HEPH: variants seen among roughly 807,000 people sequenced by gnomAD.
HEPH encodes the protein hephaestin.
Under a neutral mutation model 80.8 loss-of-function variants are expected in HEPH, and 69 were observed. The ratio of observed to expected loss-of-function variants is 0.85; its 90% confidence interval spans 0.70 to 1.04. HEPH has a LOEUF of 1.04. HEPH is among the 50% of genes least tolerant of loss of function. The pLI is 0.00. For synonymous variants in HEPH, 431 were observed against 322.8 expected (o/e 1.34, Z -3.60); for missense variants, 1,115 against 891.3 (o/e 1.25, Z -3.20).
chrX:66,207,180 T>C lies in HEPH; in HGVS notation c.2292-15T>C, dbSNP rs1263496608. ...TGATGGCCAGGTGCTGATAGTACTC[T>C]TTGGATTCCTCTAGTTATGGTTACA... On this transcript the variant is annotated splice_polypyrimidine_tract_variant and intron_variant, in intron 13 of 20. Coordinates refer to ENST00000343002, the MANE Select transcript of HEPH (RefSeq NM_001367233.3). 8.3e-7 allele frequency: 1 copy of C among 1,199,642 alleles called. No homozygotes were observed. The highest frequency in any genetic ancestry group is 1.8e-5 in the South Asian group (1 of 55,808).
intron 12 of HEPH, among the ~76,000 whole-genome samples, chrX:66,201,504 T>C (rs2088449824): frequency 8.9e-6 from 1 of 111,794 alleles, no homozygotes; most frequent in Non-Finnish European, 1.9e-5. Flanking sequence ...TCAGATTCTA[T>C]GTATTTCTAG....
rs1205341394 is a variant in HEPH, at chrX:66,199,022, A to T, written c.1858A>T (p.Met620Leu). Residue 620 changes from methionine to leucine, a missense_variant, in exon 11 of 21, where the codon ATG becomes TTG. By Grantham distance (15) the Met-to-Leu change is conservative. This residue lies in a region of HEPH where 716 missense variants were observed against 523.5 expected (regional missense o/e 1.37). Coordinates refer to ENST00000343002, the MANE Select transcript of HEPH (RefSeq NM_001367233.3). ...TGAGGGCTTCCAAGACTCCAATCGGATGCATGGTATGGGGAGTACTTTTGC... is the reference window on the plus strand; with the variant it reads ...TGAGGGCTTCCAAGACTCCAATCGGTTGCATGGTATGGGGAGTACTTTTGC... ...DIEGFQDSNR[M>L]HAINGFLFSN... 8.3e-7 allele frequency: 1 copy of T among 1,208,490 alleles called. No homozygotes were observed. The highest frequency in any genetic ancestry group is 1.1e-6 in the Non-Finnish European group (1 of 894,102).
intron 4 of HEPH, among the ~76,000 whole-genome samples, chrX:66,181,867 G>A (rs1487238260): frequency 9.7e-6 from 1 of 103,053 alleles, no homozygotes; most frequent in Non-Finnish European, 2.0e-5. Context: ...ATCTTGAATT[G>A]ATTTTTGTAT....
chrX:66,195,409 A>T (rs1373646030), intron 9 of HEPH, among the ~76,000 whole-genome samples, 180 bp downstream of exon 9: 2 of 111,550 alleles, frequency 1.8e-5, no homozygotes, highest in African/African-American at 6.5e-5. Flanking sequence ...ATAAGAGAAA[A>T]TTTCTTTTAA....
chrX:66,233,119 C>A (rs1050203827), intron 15 of HEPH, among the ~76,000 whole-genome samples: 1 of 111,831 alleles, frequency 8.9e-6, no homozygotes, highest in Non-Finnish European at 1.9e-5. Flanking sequence ...ATATGTCACA[C>A]GTTAAAATTA....
intron 15 of HEPH, among the ~76,000 whole-genome samples, chrX:66,254,203 G>A (rs763680115): frequency 7.2e-5 from 8 of 111,345 alleles, no homozygotes; most frequent in African/African-American, 2.6e-4. Flanking sequence ...CTTTGTAATG[G>A]TTGAGTTAAG....
chrX:66,181,964 T>A (rs140925983), intron 4 of HEPH, among the ~76,000 whole-genome samples: 1 of 109,599 alleles, frequency 9.1e-6, no homozygotes, highest in Admixed American at 9.7e-5. Flanking sequence ...GGAATCCTTT[T>A]CCCATTGCTT....
rs752578856 is a variant in HEPH, at chrX:66,260,177, C to T, written c.3114C>T (p.Asn1038=). The T allele has an allele frequency of 4.1e-6, 5 of 1,207,210 alleles. No homozygotes were observed. The highest frequency in any genetic ancestry group is 4.5e-6 in the Non-Finnish European group (4 of 891,699). Residue 1038 remains asparagine, a synonymous_variant, in exon 19 of 21, where the codon AAC becomes AAT. Coordinates refer to ENST00000343002, the MANE Select transcript of HEPH (RefSeq NM_001367233.3). ...TFEVVEMVAS[N]PGTWLMHCHV... ...AGGTTGTGGAGATGGTGGCCAGCAA[C>T]CCTGGGACATGGCTGATGCACTGCC...
chrX:66,245,793 G>A (rs992602970), intron 15 of HEPH, among the ~76,000 whole-genome samples: 1 of 112,285 alleles, frequency 8.9e-6, no homozygotes, highest in East Asian at 2.8e-4. Flanking sequence ...TCAGACCACA[G>A]TGCAATCAAA....
chrX:66,222,529 A>G (rs889259797), intron 15 of HEPH, among the ~76,000 whole-genome samples: 8 of 112,113 alleles, frequency 7.1e-5, no homozygotes, highest in Non-Finnish European at 1.5e-4. Flanking sequence ...TTTAACTTCT[A>G]TGATCCTCTA....
In HEPH at chrX:66,212,185, TG is replaced by T. The variant is rs1158792788; in HGVS notation, c.2563+3940del. On this transcript the variant is annotated intron_variant, in intron 15 of 20. Coordinates refer to ENST00000343002, the MANE Select transcript of HEPH (RefSeq NM_001367233.3). ...CATGTCCTTTACCCACTTTTTAATGTGTTTTTTTTTTTTTTCCTCTTAACTT... is the reference window on the plus strand; with the variant it reads ...CATGTCCTTTACCCACTTTTTAATGTTTTTTTTTTTTTTTCCTCTTAACTT... 9.7e-4 allele frequency among the ~76,000 whole-genome samples: 74 copies of T among 76,280 alleles called. 1 individual carries two copies. Among genetic ancestry groups the T allele is most frequent in the Non-Finnish European group, 3.1e-4 (14 of 45,574 alleles). 66.2% of individuals were successfully genotyped at this position (76,280 alleles called of 115,157 possible).
chrX:66,219,312 G>A (rs748705231), intron 15 of HEPH, among the ~76,000 whole-genome samples: 44 of 111,751 alleles, frequency 3.9e-4, no homozygotes, highest in Non-Finnish European at 6.4e-4. Flanking sequence ...ACACTTGCAC[G>A]GGCACATGTG....
chrX:66,246,886 A>G (rs769576481), intron 15 of HEPH, among the ~76,000 whole-genome samples: 69 of 112,056 alleles, frequency 6.2e-4, no homozygotes, highest in Non-Finnish European at 1.5e-4. Context: ...AGCTGCTTCT[A>G]TTCTGCCATA....
intron 4 of HEPH, among the ~76,000 whole-genome samples, chrX:66,175,480 G>A (rs1157037967): frequency 9.0e-6 from 1 of 111,435 alleles, no homozygotes; most frequent in Admixed American, 9.6e-5. Context: ...GTCTTGCTTT[G>A]GCTATGCAGG....
chrX:66,201,759 G>A (rs986997156), intron 12 of HEPH, among the ~76,000 whole-genome samples: 6 of 111,977 alleles, frequency 5.4e-5, no homozygotes, highest in African/African-American at 1.9e-4. Flanking sequence ...CATAAAGCTG[G>A]TCTCCTCAGA....
At chrX:66,200,841 A>T in intron 12 of HEPH, 89 bp downstream of exon 12, 1 of 688,247 alleles carries the variant, frequency 1.5e-6, no homozygotes, top group East Asian at 3.4e-5. Flanking sequence ...TGAAGAGAAA[A>T]TAATAGGCAT....
rs201308177 is a variant in HEPH, at chrX:66,266,454, G to T, written c.3259G>T (p.Asp1087Tyr). Residue 1087 changes from aspartate (D) to tyrosine (Y), a missense_variant, in exon 21 of 21, where the codon GAC becomes TAC. Coordinates refer to ENST00000343002, the MANE Select transcript of HEPH (RefSeq NM_001367233.3). ...KETEKAVPPRDIEEGNVKMLG... is the reference protein window; with the variant it reads ...KETEKAVPPRYIEEGNVKMLG... Reference sequence around the variant, plus strand: ...CTCCATTTCAGCAGTGCCCCCCAGAGACATTGAAGAAGGCAATGTGAAGAT... The same window carrying T: ...CTCCATTTCAGCAGTGCCCCCCAGATACATTGAAGAAGGCAATGTGAAGAT... The T allele has an allele frequency of 5.6e-4, 675 of 1,203,275 alleles. No individual in the cohort carries two copies. Among genetic ancestry groups the T allele is most frequent in the Admixed American group, 7.9e-4 (36 of 45,370 alleles).
At chrX:66,251,622 A>T (rs1050650030) in intron 15 of HEPH, among the ~76,000 whole-genome samples, 1 of 111,586 alleles carries the variant, frequency 9.0e-6, no homozygotes, top group South Asian at 3.8e-4. Context: ...TACTATGGTC[A>T]GTCCAGGGCT....
intron 11 of HEPH, chrX:66,200,324 G>C (rs1294282095): frequency 2.4e-6 from 1 of 411,436 alleles, no homozygotes; most frequent in Non-Finnish European, 4.2e-6. Flanking sequence ...CATGGTGGAG[G>C]TGAGGCCAGA....
Sources: allele counts gnomAD v4.1 joint callset (sites outside exome capture counted in the v4.1 genomes callset), GRCh38; gene constraint gnomAD v4.1.1; regional missense constraint gnomAD v4.1.1; transcripts MANE v1.5; gene names NCBI Gene and HGNC (gene_info 2026-07-23, HGNC 2026-07-21).